The following ROBO1 variants were observed in gnomAD, a reference collection of about 807,000 sequenced individuals.
The protein encoded by ROBO1 is roundabout guidance receptor 1.
Under a neutral mutation model 195.9 loss-of-function variants are expected in ROBO1, and 149 were observed. The ratio of observed to expected loss-of-function variants is 0.76; its 90% CI spans 0.67 to 0.87. The LOEUF (loss-of-function observed/expected upper bound fraction) is 0.87, where lower values mean the gene tolerates loss of function less well. Among genes scored for constraint, ROBO1 ranks in the 40% least tolerant of loss-of-function variants. The pLI is 0.00. For missense variants in ROBO1, 1,933 were observed against 2,068.3 expected (o/e 0.93, Z 1.27); for synonymous variants, 816 against 733.2 (o/e 1.11, Z -1.82).
At chr3:78,790,284 G>T (rs1215860743) in intron 4 of ROBO1, among the ~76,000 whole-genome samples, 3 of 152,154 alleles carry the variant, frequency 2.0e-5, no homozygotes, top group Non-Finnish European at 4.4e-5. Flanking sequence ...GTGCAGCTTA[G>T]AACTTTTGGT....
chr3:79,667,324 G>C (rs548478970), intron 1 of ROBO1, among the ~76,000 whole-genome samples: 43 of 151,904 alleles, frequency 2.8e-4, no homozygotes, highest in African/African-American at 1.0e-3. Context: ...ATTCAGAATA[G>C]TATACTGATC....
intron 3 of ROBO1, among the ~76,000 whole-genome samples, chr3:79,008,995 C>A (rs1691794823): frequency 6.6e-6 from 1 of 150,730 alleles, no homozygotes; most frequent in Non-Finnish European, 1.5e-5. Context: ...AGCTGGAGTG[C>A]AATGGCACGA....
At chr3:79,518,764 C>T (rs1410544742) in intron 2 of ROBO1, among the ~76,000 whole-genome samples, 2 of 151,704 alleles carry the variant, frequency 1.3e-5, no homozygotes, top group Admixed American at 1.3e-4. Flanking sequence ...CACTGCCTCC[C>T]GGGTTCAAGC....
chr3:79,086,646 CA>C (rs1372425180), intron 3 of ROBO1, among the ~76,000 whole-genome samples: 2 of 152,130 alleles, frequency 1.3e-5, no homozygotes, highest in Non-Finnish European at 2.9e-5. Context: ...TTAGGAAATG[CA>C]GCGATATTTT....
chr3:79,321,978 A>T (rs1211743306), intron 2 of ROBO1, among the ~76,000 whole-genome samples: 3 of 152,162 alleles, frequency 2.0e-5, no homozygotes, highest in African/African-American at 7.2e-5. Context: ...GATTCAGCAT[A>T]ATTGGCTCTG....
chr3:78,834,162 C>T (rs561820956), intron 4 of ROBO1, among the ~76,000 whole-genome samples: 47 of 151,566 alleles, frequency 3.1e-4, no homozygotes, highest in Admixed American at 8.5e-4. Context: ...TGGTGTTGAC[C>T]GAAACAAGAT....
intron 3 of ROBO1, among the ~76,000 whole-genome samples, chr3:78,995,803 TA>T (rs980300843): frequency 1.4e-5 from 2 of 145,920 alleles, no homozygotes; most frequent in Non-Finnish European, 1.5e-5. Flanking sequence ...TAAAAAGTAA[TA>T]AAAAAAAGTC....
intron 4 of ROBO1, among the ~76,000 whole-genome samples, chr3:78,804,878 G>A (rs1168912832): frequency 6.6e-6 from 1 of 152,016 alleles, no homozygotes; most frequent in Non-Finnish European, 1.5e-5. Flanking sequence ...TATTGGTTGG[G>A]TTCATCTGCT....
chr3:78,627,607 G>T (rs763532219), intron 25 of ROBO1, 38 bp from the exon 26 acceptor site: 24 of 1,554,864 alleles, frequency 1.5e-5, no homozygotes, highest in Non-Finnish European at 2.0e-5. Flanking sequence ...CTTACTTCAG[G>T]TTATTCAAAT....
chr3:79,659,713 C>T (rs1011322786), intron 1 of ROBO1, among the ~76,000 whole-genome samples: 7 of 151,968 alleles, frequency 4.6e-5, no homozygotes, highest in African/African-American at 1.7e-4. Context: ...ATGCGAATGT[C>T]CACCATGGAA....
chr3:79,650,978 A>G (rs1296589169), intron 1 of ROBO1, among the ~76,000 whole-genome samples: 1 of 152,022 alleles, frequency 6.6e-6, no homozygotes, highest in African/African-American at 2.4e-5. Context: ...AAATATTTGC[A>G]TCTGAAATTC....
chr3:78,909,404 C>T (rs1360856791), intron 4 of ROBO1, among the ~76,000 whole-genome samples: 1 of 151,682 alleles, frequency 6.6e-6, no homozygotes, highest in Non-Finnish European at 1.5e-5. Flanking sequence ...GAATATGTAG[C>T]CAATGTGAGT....
chr3:79,674,480 GA>G (rs907765075), intron 1 of ROBO1, among the ~76,000 whole-genome samples: 1 of 151,716 alleles, frequency 6.6e-6, no homozygotes, highest in African/African-American at 2.4e-5. Flanking sequence ...ATAAAAAATG[GA>G]AAAAATAGAA....
At chr3:79,239,946 T>C (rs971982450) in intron 2 of ROBO1, among the ~76,000 whole-genome samples, 1 of 152,170 alleles carries the variant, frequency 6.6e-6, no homozygotes, top group African/African-American at 2.4e-5. Context: ...GATGTTTTGG[T>C]ATATCCTATC....
Position 79,696,059 on chromosome 3 carries a change from G to A in ROBO1, c.-51+71693C>T, listed in dbSNP as rs559209299. ...TGTAATAAAAATGAGAATGTGGGAG[G>A]GACTTGGGGTTTTTTGTTCACTAAA... On this transcript the variant is annotated intron_variant, in intron 1 of 30. Coordinates refer to ENST00000464233, the MANE Select transcript of ROBO1 (RefSeq NM_002941.4). Among the ~76,000 whole-genome samples the A allele has an allele frequency of 2.0e-5, 3 of 151,304 alleles. No individual in the cohort carries two copies. In the South Asian group the frequency reaches 6.2e-4, roughly 31 times the overall value.
chr3:79,715,443 AAATCACAAGACAATGAAGGGTCAGC>A (rs1702445695), intron 1 of ROBO1, among the ~76,000 whole-genome samples: 1 of 152,138 alleles, frequency 6.6e-6, no homozygotes, highest in African/African-American at 2.4e-5. Context: ...CTACCAGCAA[AAATCACAAGACAATGAAGGGTCAGC>A]ATTTTTTAGC....
At chr3:79,448,790 G>T (rs1463264022) in intron 2 of ROBO1, among the ~76,000 whole-genome samples, 3 of 152,144 alleles carry the variant, frequency 2.0e-5, no homozygotes, top group African/African-American at 4.8e-5. Flanking sequence ...TCAACATGTT[G>T]CAGCCTGAGA....
At position 79,642,267 on chromosome 3, in the gene ROBO1, G is replaced by A. The variant is rs1180549273; in HGVS notation, c.-50-52306C>T. Reference sequence around the variant, plus strand: ...AATGCAATTGAACAAAGATTGCCCAGAAGATAAAGAAAATGTCTTCAAATG... The same window carrying A: ...AATGCAATTGAACAAAGATTGCCCAAAAGATAAAGAAAATGTCTTCAAATG... On this transcript the variant is annotated intron_variant, in intron 1 of 30. Coordinates refer to ENST00000464233, the MANE Select transcript of ROBO1 (RefSeq NM_002941.4). Among the ~76,000 whole-genome samples, 4 of 152,144 alleles carry A rather than the reference G, an allele frequency of 2.6e-5. No individual in the cohort carries two copies. In the East Asian group the frequency reaches 7.8e-4, roughly 30 times the overall value.
At chr3:79,215,616 G>T (rs961137890) in intron 2 of ROBO1, among the ~76,000 whole-genome samples, 2 of 152,116 alleles carry the variant, frequency 1.3e-5, no homozygotes, top group Admixed American at 1.3e-4. Context: ...CAAGACAAAG[G>T]GCTGTTTGGA....
Sources: gnomAD v4.1 joint callset for allele counts (sites outside exome capture counted in the v4.1 genomes callset) on GRCh38, gnomAD v4.1.1 for gene constraint, MANE v1.5 for transcripts, NCBI Gene and HGNC (gene_info 2026-07-23, HGNC 2026-07-21) for gene names.